GPR149: variants seen among roughly 807,000 people sequenced by gnomAD.
GPR149 encodes probable G protein-coupled receptor 149.
A neutral mutation model predicts 50.2 loss-of-function variants in GPR149; 50 were observed. That is an observed-to-expected ratio of 1.00 (90% CI 0.79 to 1.26). The LOEUF is 1.26. Among genes scored for constraint, GPR149 ranks in the 50% most tolerant of loss-of-function variants. GPR149 has a pLI of 0.00. For synonymous variants in GPR149, 405 were observed against 358.2 expected (o/e 1.13, Z -1.48); for missense variants, 983 against 895.4 (o/e 1.10, Z -1.25).
chr3:154,390,188 C>A (rs1244755851), intron 3 of GPR149, among the ~76,000 whole-genome samples: 1 of 151,874 alleles, frequency 6.6e-6, no homozygotes, highest in African/African-American at 2.4e-5. Context: ...CACAAAGAGT[C>A]GAGAATAAAG....
intron 3 of GPR149, chr3:154,352,595 C>G (rs1398009058): frequency 1.3e-6 from 1 of 776,626 alleles, no homozygotes. Flanking sequence ...TCATCAGAGG[C>G]GATCAAAGAC....
chr3:154,385,802 C>A (rs1264535531), intron 3 of GPR149, among the ~76,000 whole-genome samples: 2 of 151,528 alleles, frequency 1.3e-5, no homozygotes, highest in Non-Finnish European at 2.9e-5. Flanking sequence ...TCCGGGTTCA[C>A]ACCATTCGCC....
intron 3 of GPR149, among the ~76,000 whole-genome samples, chr3:154,410,388 T>A (rs1250399274): frequency 6.6e-6 from 1 of 152,166 alleles, no homozygotes; most frequent in Admixed American, 6.5e-5. Context: ...GTCTCAATAC[T>A]AACATTGAAT....
chr3:154,390,560 G>A (rs1242725739), intron 3 of GPR149, among the ~76,000 whole-genome samples: 1 of 151,850 alleles, frequency 6.6e-6, no homozygotes, highest in African/African-American at 2.4e-5. Flanking sequence ...AAAGCTTAAG[G>A]GACTTATAGG....
rs187941493 is a variant in GPR149 at position 154,354,368 on chromosome 3, G to T, written c.1624-16097C>A. 5 of 215,098 alleles carry T rather than the reference G, an allele frequency of 2.3e-5. No individual in the cohort carries two copies. The East Asian group carries it at 4.7e-4, about 20-fold the overall frequency. 13.3% of individuals were successfully genotyped at this position (215,098 alleles called of 1,614,324 possible). A position where few individuals can be genotyped will look rare whatever the true frequency, so the allele number is the denominator to read the frequency against. On this transcript the variant is annotated intron_variant, in intron 3 of 3. Transcript: ENST00000389740. ...TATCGATAGAGCTCTTAGTGATAAGGTCAGGGGGTAGATTCTGCTTTCTAA... is the reference window on the plus strand; with the variant it reads ...TATCGATAGAGCTCTTAGTGATAAGTTCAGGGGGTAGATTCTGCTTTCTAA...
chr3:154,405,704 C>A (rs1443071400), intron 3 of GPR149, among the ~76,000 whole-genome samples: 1 of 148,326 alleles, frequency 6.7e-6, no homozygotes, highest in African/African-American at 2.5e-5. Flanking sequence ...ATAAATAATA[C>A]TTTTTAATAA....
At chr3:154,371,396 G>A (rs1159605244) in intron 3 of GPR149, among the ~76,000 whole-genome samples, 1 of 152,032 alleles carries the variant, frequency 6.6e-6, no homozygotes, top group Non-Finnish European at 1.5e-5. Context: ...GAGTTACAAA[G>A]TCTCCTTATA....
intron 3 of GPR149, among the ~76,000 whole-genome samples, chr3:154,408,579 C>T (rs1246583612): frequency 6.6e-6 from 1 of 152,080 alleles, no homozygotes; most frequent in Non-Finnish European, 1.5e-5. Flanking sequence ...TTCCTGGTGA[C>T]CTGTGTGACT....
chr3:154,365,622 C>A (rs1224757598), intron 3 of GPR149, among the ~76,000 whole-genome samples: 1 of 152,166 alleles, frequency 6.6e-6, no homozygotes, highest in Non-Finnish European at 1.5e-5. Flanking sequence ...AAAAGCCATG[C>A]ACCACCCTGA....
In GPR149 at chr3:154,344,267, A is replaced by C. The variant is rs200336067; in HGVS notation, c.1624-5996T>G. Among the ~76,000 whole-genome samples the C allele has an allele frequency of 1.3e-4, 20 of 152,314 alleles. No homozygotes were observed. The East Asian group carries it at 3.9e-3, about 29-fold the overall frequency. ...AGGAAACAATAACAACAAACAAGAA[A>C]ATACTATACAACTTGAGTCACAAAC... On this transcript the variant is annotated intron_variant, in intron 3 of 3. Coordinates refer to ENST00000389740, the MANE Select transcript of GPR149 (RefSeq NM_001038705.3).
chr3:154,385,959 C>G (rs1483034975), intron 3 of GPR149, among the ~76,000 whole-genome samples: 2 of 152,080 alleles, frequency 1.3e-5, no homozygotes, highest in African/African-American at 4.8e-5. Flanking sequence ...CCTTGGCCTC[C>G]CAAAGTGCTG....
chr3:154,375,453 GC>G (rs1200412380), intron 3 of GPR149, among the ~76,000 whole-genome samples: 4 of 152,074 alleles, frequency 2.6e-5, no homozygotes, highest in Non-Finnish European at 5.9e-5. Flanking sequence ...TCAAATTGAA[GC>G]TAAAACATTA....
At chr3:154,354,191 G>A in intron 3 of GPR149, 2 of 491,286 alleles carry the variant, frequency 4.1e-6, no homozygotes, top group South Asian at 3.2e-5. Flanking sequence ...ATTTTCTCTT[G>A]TTTTTGATTT....
intron 3 of GPR149, among the ~76,000 whole-genome samples, chr3:154,359,311 C>G (rs1197779202): frequency 6.6e-6 from 1 of 152,126 alleles, no homozygotes; most frequent in Admixed American, 6.6e-5. Context: ...TTACTTGTAT[C>G]CCTGCAGATT....
chr3:154,427,462 C>G, intron 2 of GPR149, 54 bp downstream of exon 2: 1 of 1,506,702 alleles, frequency 6.6e-7, no homozygotes, highest in Non-Finnish European at 8.9e-7. Flanking sequence ...GACCACTTTT[C>G]TGAAAGTCAC....
At chr3:154,380,006 A>G (rs1050101483) in intron 3 of GPR149, among the ~76,000 whole-genome samples, 2 of 152,148 alleles carry the variant, frequency 1.3e-5, no homozygotes, top group Admixed American at 6.6e-5. Context: ...AACTCCCCCA[A>G]CAAAACCCAG....
At chr3:154,367,318 C>T (rs966510175) in intron 3 of GPR149, among the ~76,000 whole-genome samples, 7 of 133,652 alleles carry the variant, frequency 5.2e-5, no homozygotes, top group Non-Finnish European at 1.1e-4. Context: ...TCCCTGTGTC[C>T]TCTCTCCCTC....
chr3:154,343,999 A>G (rs1277004732), intron 3 of GPR149, among the ~76,000 whole-genome samples: 1 of 152,098 alleles, frequency 6.6e-6, no homozygotes, highest in East Asian at 1.9e-4. Flanking sequence ...AAAAAAAAAG[A>G]AAGAAAAAGA....
At chr3:154,353,602 C>T (rs967913212) in intron 3 of GPR149, 6 of 1,238,534 alleles carry the variant, frequency 4.8e-6, no homozygotes, top group Non-Finnish European at 7.1e-6. Flanking sequence ...GGTATTGCAC[C>T]ATAAAAACAC....
Sources: gnomAD v4.1 joint callset for allele counts (sites outside exome capture counted in the v4.1 genomes callset) on GRCh38, gnomAD v4.1.1 for gene constraint, MANE v1.5 for transcripts, NCBI Gene and HGNC (gene_info 2026-07-23, HGNC 2026-07-21) for gene names.